Variants in GSE1 observed in about 807,000 individuals in gnomAD.
GSE1 encodes genetic suppressor element 1.
A neutral mutation model predicts 112.6 loss-of-function variants in GSE1; 32 were observed. That is an observed-to-expected ratio of 0.28 (90% CI 0.21 to 0.38). The LOEUF (loss-of-function observed/expected upper bound fraction) is 0.38, where lower values mean the gene tolerates loss of function less well. Ranked by LOEUF, GSE1 falls within the 10% of genes least tolerant of loss-of-function variation. The pLI, the probability that GSE1 is intolerant of heterozygous loss-of-function variation, is 1.00. For synonymous variants in GSE1, 1,115 were observed against 735.6 expected (o/e 1.52, Z -8.35); for missense variants, 2,348 against 1,699.2 (o/e 1.38, Z -6.71).
intron 1 of GSE1, among the ~76,000 whole-genome samples, chr16:85,315,512 G>A (rs942980434): frequency 6.6e-6 from 1 of 152,118 alleles, no homozygotes; most frequent in Non-Finnish European, 1.5e-5. Flanking sequence ...CGGGTTGGCT[G>A]TTGCCTCCTA....
rs1325522859 is a variant in GSE1 at position 85,419,265 on chromosome 16, G to T, written c.2464+61622G>T. Among the ~76,000 whole-genome samples the T allele has an allele frequency of 6.6e-6, 1 of 152,148 alleles. No individual in the cohort carries two copies. The highest frequency in any genetic ancestry group is 2.4e-5 in the African/African-American group (1 of 41,430). On this transcript the variant is annotated intron_variant, in intron 2 of 2. Transcript: ENST00000637419. This position sits in a 1 kb window ranked among gnomAD's most constrained non-coding sequence, Gnocchi z 6.5. ...CTTACAAAAGGTTCACCTCATAGAGGGCGCTAGAGGCCACCTCAGGAGGCA... is the reference window on the plus strand; with the variant it reads ...CTTACAAAAGGTTCACCTCATAGAGTGCGCTAGAGGCCACCTCAGGAGGCA...
intron 1 of GSE1, among the ~76,000 whole-genome samples, chr16:85,590,451 G>C (rs1380700659): frequency 1.3e-5 from 2 of 151,610 alleles, no homozygotes; most frequent in African/African-American, 4.8e-5. Context: ...GAGCATGTGT[G>C]ATTGTGTGAG....
chr16:85,220,691 C>T (rs1330804591), intron 1 of GSE1, among the ~76,000 whole-genome samples: 1 of 152,192 alleles, frequency 6.6e-6, no homozygotes, highest in South Asian at 2.1e-4. Context: ...GCCTGGAGTC[C>T]CTGGCTTTGC....
upstream of GSE1, chr16:85,613,307 C>G: frequency 2.6e-6 from 4 of 1,546,062 alleles, no homozygotes; most frequent in Non-Finnish European, 2.6e-6. Flanking sequence ...CCGAGCAGCC[C>G]CGGGTGAGAT....
intron 1 of GSE1, among the ~76,000 whole-genome samples, chr16:85,272,187 TGGATGTCTGA>T (rs2144188857): frequency 6.6e-6 from 1 of 152,342 alleles, no homozygotes; most frequent in East Asian, 1.9e-4. Flanking sequence ...GGCTCCGCTT[TGGATGTCTGA>T]GTTTGGGCTG....
intron 2 of GSE1, chr16:85,463,249 C>A: frequency 3.5e-6 from 1 of 283,836 alleles, no homozygotes; most frequent in Non-Finnish European, 5.3e-6. Flanking sequence ...CGCCCTCCAG[C>A]CCCATCACCT....
At chr16:85,282,502 G>A (rs528848157) in intron 1 of GSE1, among the ~76,000 whole-genome samples, 8 of 152,288 alleles carry the variant, frequency 5.3e-5, no homozygotes, top group South Asian at 2.1e-4. Flanking sequence ...TACCGAACCC[G>A]GTGAGGGCTG....
chr16:85,171,649 C>T (rs8056587), exon 1 of GSE1: 267,766 of 985,346 alleles, frequency 0.27, 37,274 homozygotes, highest in Middle Eastern at 0.38. Flanking sequence ...GCCCCTGTTC[C>T]TATACACCCT....
intron 1 of GSE1, among the ~76,000 whole-genome samples, chr16:85,577,060 A>T (rs2046256851): frequency 6.6e-6 from 1 of 151,602 alleles, no homozygotes; most frequent in South Asian, 2.1e-4. Context: ...CAGGGGCATC[A>T]CAGTCAGGAC....
chr16:85,461,110 G>C (rs1197740100), intron 2 of GSE1, among the ~76,000 whole-genome samples: 1 of 152,256 alleles, frequency 6.6e-6, no homozygotes, highest in East Asian at 1.9e-4. Flanking sequence ...GCTGGGCGCA[G>C]TGGAGGACAG....
chr16:85,588,588 T>G (rs1482910749), intron 1 of GSE1, among the ~76,000 whole-genome samples: 1 of 152,198 alleles, frequency 6.6e-6, no homozygotes, highest in Non-Finnish European at 1.5e-5. Flanking sequence ...ACCGGGGGCT[T>G]CTTTATTTCT....
chr16:85,485,745 C>T (rs533014041), intron 2 of GSE1, among the ~76,000 whole-genome samples: 2 of 152,344 alleles, frequency 1.3e-5, no homozygotes, highest in East Asian at 3.9e-4. Context: ...GTAATTGGGC[C>T]GCCTCGCTCC....
chr16:85,549,713 G>A (rs970982940), intron 2 of GSE1, among the ~76,000 whole-genome samples: 1 of 152,222 alleles, frequency 6.6e-6, no homozygotes, highest in Non-Finnish European at 1.5e-5. Flanking sequence ...AGACTGGCTT[G>A]AGACTTGGAA....
chr16:85,576,507 G>A (rs758524707), intron 1 of GSE1, among the ~76,000 whole-genome samples: 2 of 152,066 alleles, frequency 1.3e-5, no homozygotes, highest in Admixed American at 6.5e-5. Context: ...GCTGGAGCTC[G>A]GATCACCTGA....
chr16:85,616,258 G>A (rs1191015280), intron 1 of GSE1, among the ~76,000 whole-genome samples: 1 of 152,262 alleles, frequency 6.6e-6, no homozygotes, highest in African/African-American at 2.4e-5. Flanking sequence ...GAGGCGGACT[G>A]GGGGGCCTTT....
In GSE1 at chr16:85,457,704, T is replaced by C. The variant is rs140036786; in HGVS notation, c.2464+100061T>C. Among the ~76,000 whole-genome samples, 933 of 152,332 alleles carry C rather than the reference T, an allele frequency of 6.1e-3. 9 individuals carry two copies. The highest frequency in any genetic ancestry group is 0.021 in the African/African-American group (882 of 41,588). On this transcript the variant is annotated intron_variant, in intron 2 of 2. Coordinates refer to the GSE1 transcript ENST00000637419. ...CTTGGGGGTGATTGCACCCCCACCC[T>C]CTGTCCTACGGGCATCCAGCTTCAG...
intron 2 of GSE1, among the ~76,000 whole-genome samples, chr16:85,432,169 G>T (rs1362629220): frequency 6.6e-6 from 1 of 152,266 alleles, no homozygotes; most frequent in Non-Finnish European, 1.5e-5. Context: ...AGTGTCATAA[G>T]GTTAGGTTCT....
intron 1 of GSE1, among the ~76,000 whole-genome samples, chr16:85,298,718 C>T (rs371207742): frequency 2.0e-4 from 30 of 152,364 alleles, no homozygotes; most frequent in African/African-American, 7.2e-4. Context: ...TGAGCCACTG[C>T]ACCTGGCCGA....
At chr16:85,349,692 C>T (rs1395547411) in intron 1 of GSE1, among the ~76,000 whole-genome samples, 1 of 152,240 alleles carries the variant, frequency 6.6e-6, no homozygotes, top group East Asian at 1.9e-4. Context: ...TTCCTCGGGG[C>T]GAAGAGGAGG....
Sources: gnomAD v4.1 joint callset for allele counts (sites outside exome capture counted in the v4.1 genomes callset) on GRCh38, gnomAD v4.1.1 for gene constraint, Gnocchi (gnomAD v3.1) non-coding constraint, MANE v1.5 for transcripts, NCBI Gene and HGNC (gene_info 2026-07-23, HGNC 2026-07-21) for gene names.